Variants in NRG1 observed in about 807,000 individuals in gnomAD.
NRG1 encodes the protein neuregulin 1.
NRG1 carries 18 observed loss-of-function variants against 63.8 expected under a neutral mutation model. That is an observed-to-expected ratio of 0.28 (90% CI 0.19 to 0.42). NRG1 has a LOEUF of 0.42. NRG1 is among the 10% of genes least tolerant of loss of function. NRG1 has a pLI of 1.00. For missense variants in NRG1, 762 were observed against 814.7 expected (o/e 0.94, Z 0.79); for synonymous variants, 302 against 301.3 (o/e 1.00, Z -0.02).
intron 1 of NRG1, among the ~76,000 whole-genome samples, chr8:32,466,123 C>A (rs1426231752): frequency 6.6e-6 from 1 of 152,014 alleles, no homozygotes. Flanking sequence ...GGCAACATGG[C>A]GAGACTCCAT....
At chr8:31,912,508 A>T (rs1228515389) in intron 1 of NRG1, among the ~76,000 whole-genome samples, 2 of 145,402 alleles carry the variant, frequency 1.4e-5, no homozygotes, top group Non-Finnish European at 3.0e-5. Context: ...TGCCTCTGAG[A>T]GTTTGGGTGT....
intron 1 of NRG1, among the ~76,000 whole-genome samples, chr8:31,772,946 A>G (rs1425458491): frequency 6.6e-6 from 1 of 152,210 alleles, no homozygotes; most frequent in Non-Finnish European, 1.5e-5. Flanking sequence ...GGTAGTACCA[A>G]TAGCACTTGA....
rs774463966 is a variant in NRG1, at chr8:32,746,120, T to C, written c.691+3387T>C. 6.2e-4 allele frequency among the ~76,000 whole-genome samples: 95 copies of C among 152,256 alleles called. 2 individuals carry two copies. The Middle Eastern group carries it at 0.01, about 16-fold the overall frequency. ...GCCAAGTGTTAGTGAGATTTTACTG[T>C]GTGTGTGTTTGTGAGTGTGCTTATG... On this transcript the variant is annotated intron_variant, in intron 7 of 11. Transcript: ENST00000356819.
chr8:32,738,159 C>T (rs1277429065), intron 6 of NRG1, among the ~76,000 whole-genome samples: 2 of 151,936 alleles, frequency 1.3e-5, no homozygotes, highest in Non-Finnish European at 2.9e-5. Context: ...CAGATCATCA[C>T]AATACAGATA....
chr8:32,364,793 A>G (rs895942326), intron 1 of NRG1, among the ~76,000 whole-genome samples: 1 of 152,094 alleles, frequency 6.6e-6, no homozygotes, highest in Non-Finnish European at 1.5e-5. Context: ...AACTACTGAT[A>G]TATCAAAGTG....
At chr8:32,754,325 G>C in intron 7 of NRG1, 47 bp from the exon 8 acceptor site, 1 of 1,557,926 alleles carries the variant, frequency 6.4e-7, no homozygotes, top group East Asian at 2.3e-5. Context: ...GTCAGTCCTG[G>C]CAAGTGGAAG....
At chr8:31,817,387 G>C (rs998127015) in intron 1 of NRG1, among the ~76,000 whole-genome samples, 2 of 152,174 alleles carry the variant, frequency 1.3e-5, no homozygotes, top group Non-Finnish European at 2.9e-5. Context: ...AAGATCAGAA[G>C]TGCCTAGCTA....
intron 1 of NRG1, among the ~76,000 whole-genome samples, chr8:32,581,263 G>A (rs910695629): frequency 2.5e-4 from 38 of 152,174 alleles, no homozygotes; most frequent in African/African-American, 9.2e-4. Flanking sequence ...GAATAAGGCA[G>A]GATCTAGATA....
intron 1 of NRG1, among the ~76,000 whole-genome samples, chr8:31,942,611 G>A (rs1156615084): frequency 6.6e-6 from 1 of 151,990 alleles, no homozygotes; most frequent in African/African-American, 2.4e-5. Flanking sequence ...AATCCACAGA[G>A]TAGGAGAAAA....
Position 32,350,969 on chromosome 8 carries a change from A to G in NRG1, c.38-244859A>G, listed in dbSNP as rs374416340. ...ATCTAATCAGTGCTGTTTGTATTCA[A>G]AGAGAATGTTTAACTTCTTACTCTT... is the stretch of plus-strand genomic sequence containing the variant. On this transcript the variant is annotated intron_variant, in intron 1 of 10. Transcript: ENST00000519301. Among the ~76,000 whole-genome samples the G allele has an allele frequency of 2.0e-4, 31 of 152,260 alleles. No homozygotes were observed. The East Asian group carries it at 2.5e-3, about 12-fold the overall frequency.
At chr8:32,353,862 G>T (rs957492756) in intron 1 of NRG1, among the ~76,000 whole-genome samples, 1 of 152,158 alleles carries the variant, frequency 6.6e-6, no homozygotes, top group African/African-American at 2.4e-5. Flanking sequence ...ACAAAGACTT[G>T]TATGTAAATA....
chr8:32,575,980 T>A (rs1380741329), intron 1 of NRG1, among the ~76,000 whole-genome samples: 1 of 152,206 alleles, frequency 6.6e-6, no homozygotes, highest in African/African-American at 2.4e-5. Flanking sequence ...TTTTATTTTT[T>A]AAAATTTATT....
intron 1 of NRG1, among the ~76,000 whole-genome samples, chr8:32,431,640 T>C (rs1818163458): frequency 6.6e-6 from 1 of 152,152 alleles, no homozygotes; most frequent in Non-Finnish European, 1.5e-5. Flanking sequence ...GAGGTCTTCA[T>C]ATACCCTGTC....
At chr8:32,306,941 C>A (rs558590522) in intron 1 of NRG1, among the ~76,000 whole-genome samples, 1 of 152,004 alleles carries the variant, frequency 6.6e-6, no homozygotes, top group East Asian at 1.9e-4. Flanking sequence ...AATTTTAATC[C>A]CTAGCAGGTT....
chr8:32,456,992 C>T (rs892078205), intron 1 of NRG1, among the ~76,000 whole-genome samples: 4 of 151,882 alleles, frequency 2.6e-5, no homozygotes, highest in South Asian at 4.2e-4. Flanking sequence ...ATTAGCTGGG[C>T]GTGGTGGTGG....
At chr8:31,838,509 T>A (rs1433719887) in intron 1 of NRG1, among the ~76,000 whole-genome samples, 1 of 152,178 alleles carries the variant, frequency 6.6e-6, no homozygotes, top group Non-Finnish European at 1.5e-5. Flanking sequence ...TAGGATCATA[T>A]TAAAGTTCAA....
chr8:31,854,341 G>T lies in NRG1; in HGVS notation c.37+214910G>T, dbSNP rs548944521. 1.6e-4 allele frequency among the ~76,000 whole-genome samples: 25 copies of T among 152,300 alleles called. 1 individual carries two copies. In the South Asian group the frequency reaches 5.2e-3, roughly 32 times the overall value. On this transcript the variant is annotated intron_variant, in intron 1 of 10. Coordinates refer to the NRG1 transcript ENST00000519301. ...CAACTTCTTCCTGGTTTAGTCTTGG[G>T]AGAGTGTATGTGTCCAGAAATTTAT... is the stretch of plus-strand genomic sequence containing the variant.
intron 1 of NRG1, among the ~76,000 whole-genome samples, chr8:31,776,170 G>C (rs533305184): frequency 1.3e-5 from 2 of 152,184 alleles, no homozygotes; most frequent in Non-Finnish European, 2.9e-5. Context: ...TGTGGAACTC[G>C]AGGGGTTGGC....
At chr8:32,431,397 C>G (rs558505311) in intron 1 of NRG1, among the ~76,000 whole-genome samples, 201 of 152,256 alleles carry the variant, frequency 1.3e-3, no homozygotes, top group Non-Finnish European at 2.4e-3. Context: ...GGAAGCCACA[C>G]GTCCTGGTCC....
Sources: allele counts gnomAD v4.1 joint callset (sites outside exome capture counted in the v4.1 genomes callset), GRCh38; gene constraint gnomAD v4.1.1; transcripts MANE v1.5; gene names NCBI Gene and HGNC (gene_info 2026-07-23, HGNC 2026-07-21).